Variants in UBE4B observed in about 807,000 individuals in gnomAD.
The protein encoded by UBE4B is ubiquitination factor E4B.
In UBE4B, 27 loss-of-function variants were observed where a neutral mutation model predicts 148.1. The observed-to-expected ratio is 0.18, with a 90% CI of 0.13 to 0.25. The LOEUF is 0.25. Among genes scored for constraint, UBE4B ranks in the 10% least tolerant of loss-of-function variants. The probability of loss-of-function intolerance (pLI) is 1.00; values close to 1 mark genes in which losing one functional copy is unlikely to be tolerated. For synonymous variants in UBE4B, 596 were observed against 619.3 expected (o/e 0.96, Z 0.56); for missense variants, 1,170 against 1,662.4 (o/e 0.70, Z 5.15).
rs1051300277 is a variant in UBE4B at position 10,168,797 on chromosome 1, C to T, written c.3333+527C>T. Among the ~76,000 whole-genome samples, 7 of 150,204 alleles carry T rather than the reference C, an allele frequency of 4.7e-5. No homozygotes were observed. The highest frequency in any genetic ancestry group is 1.5e-5 in the Non-Finnish European group (1 of 67,834). ...GTCCCAGCTACTCAGGAGGCTGAGG[C>T]AGGAGAATGGCGTGAACCCGGGAGG... On this transcript the variant is annotated intron_variant, in intron 24 of 27. Coordinates refer to ENST00000343090, the MANE Select transcript of UBE4B (RefSeq NM_001105562.3). This position sits in a 1 kb window ranked among gnomAD's most constrained non-coding sequence, Gnocchi z 4.9.
intron 1 of UBE4B, among the ~76,000 whole-genome samples, chr1:10,064,154 C>T (rs563864514): frequency 1.3e-5 from 2 of 152,212 alleles, no homozygotes; most frequent in South Asian, 2.1e-4. Context: ...CAATCTCTGC[C>T]GGCGCTCCTT....
At position 10,033,611 on chromosome 1, in the gene UBE4B, C is replaced by T; in HGVS notation, c.-60C>T. 2.7e-6 allele frequency: 4 copies of T among 1,461,116 alleles called. No individual in the cohort carries two copies. The highest frequency in any genetic ancestry group is 2.9e-5 in the African/African-American group (2 of 68,792). 90.5% of individuals were successfully genotyped at this position (1,461,116 alleles called of 1,614,324 possible). On this transcript the variant is annotated 5_prime_UTR_variant, in exon 1 of 28. Coordinates refer to ENST00000343090, the MANE Select transcript of UBE4B (RefSeq NM_001105562.3). ...ACACCTTCCACTCTCCTTCCTCCCGCCGTGGTCTCGAGAACAGAAGGATCT... is the reference window on the plus strand; with the variant it reads ...ACACCTTCCACTCTCCTTCCTCCCGTCGTGGTCTCGAGAACAGAAGGATCT...
intron 4 of UBE4B, 35 bp downstream of exon 4, chr1:10,101,230 A>C: frequency 6.3e-7 from 1 of 1,596,090 alleles, no homozygotes; most frequent in African/African-American, 1.3e-5. Context: ...TACAGGTAAT[A>C]GAAATAAACA....
chr1:10,146,662 G>A (rs1242998554), intron 18 of UBE4B, among the ~76,000 whole-genome samples: 1 of 151,864 alleles, frequency 6.6e-6, no homozygotes, highest in Non-Finnish European at 1.5e-5. Context: ...CACCCAAAGG[G>A]CCTCCCTGTC....
At chr1:10,095,700 C>T (rs1644919412) in intron 3 of UBE4B, 104 bp downstream of exon 3, 8 of 1,319,866 alleles carry the variant, frequency 6.1e-6, no homozygotes, top group Non-Finnish European at 8.4e-6. Flanking sequence ...GCTAGAGACC[C>T]ATGCCAGTCC....
chr1:10,062,669 T>C (rs1002468292), intron 1 of UBE4B, among the ~76,000 whole-genome samples: 1 of 152,192 alleles, frequency 6.6e-6, no homozygotes, highest in African/African-American at 2.4e-5. Context: ...AAAATAATGA[T>C]AGTGAGGCCA....
At chr1:10,109,942 G>A (rs566561879) in intron 7 of UBE4B, among the ~76,000 whole-genome samples, 4 of 152,094 alleles carry the variant, frequency 2.6e-5, no homozygotes, top group East Asian at 1.9e-4. Context: ...CAGGTGGTCC[G>A]CCCACCTCGG....
Position 10,106,484 on chromosome 1 carries a change from G to T in UBE4B, c.1097G>T (p.Ser366Ile). 6.2e-7 allele frequency: 1 copy of T among 1,613,638 alleles called. No homozygotes were observed. The highest frequency in any genetic ancestry group is 8.5e-7 in the Non-Finnish European group (1 of 1,179,970). ...AGTAGCCCCCAAGCAGTGCCCGCCA[G>T]CAGTTCCAGACAGAGGCCCAGCAGC... ...LASSPQAVPA[S>I]SSRQRPSSTG... The change falls in exon 7 of 28, where the codon AGC becomes ATC. Residue 366 changes from serine to isoleucine, a missense_variant. By Grantham distance (142) the Ser-to-Ile change is moderately radical. Coordinates refer to ENST00000343090, the MANE Select transcript of UBE4B (RefSeq NM_001105562.3). This position sits in a 1 kb window ranked among gnomAD's most constrained non-coding sequence, Gnocchi z 4.2.
intron 7 of UBE4B, among the ~76,000 whole-genome samples, chr1:10,113,349 G>T (rs150528649): frequency 1.5e-3 from 226 of 152,244 alleles, no homozygotes; most frequent in African/African-American, 5.2e-3. Context: ...CTCCCACTAG[G>T]CCCGTGCTCC....
chr1:10,092,472 C>G (rs1384160914), intron 2 of UBE4B, among the ~76,000 whole-genome samples: 1 of 151,732 alleles, frequency 6.6e-6, no homozygotes, highest in African/African-American at 2.4e-5. Flanking sequence ...ATCCGCCCGC[C>G]TCAGCTCCCA....
chr1:10,179,736 A>T (rs773412487), intron 27 of UBE4B, among the ~76,000 whole-genome samples, 159 bp from the exon 28 acceptor site: 1 of 152,140 alleles, frequency 6.6e-6, no homozygotes, highest in Admixed American at 6.5e-5. Context: ...CCCTGCAGAC[A>T]TCCAGTCCCT....
intron 1 of UBE4B, among the ~76,000 whole-genome samples, chr1:10,043,032 CAG>C (rs1332818264): frequency 1.3e-5 from 2 of 149,672 alleles, no homozygotes; most frequent in East Asian, 3.9e-4. Context: ...TTTTTTGAGA[CAG>C]AGTTTTACTC....
At chr1:10,179,621 A>G in intron 27 of UBE4B, 59 bp downstream of exon 27, 1 of 1,597,508 alleles carries the variant, frequency 6.3e-7, no homozygotes, top group Non-Finnish European at 8.5e-7. Flanking sequence ...GATAAAGCCC[A>G]AGTCACATAT....
intron 1 of UBE4B, among the ~76,000 whole-genome samples, chr1:10,038,588 G>A (rs927525680): frequency 2.0e-5 from 3 of 152,142 alleles, no homozygotes; most frequent in Non-Finnish European, 2.9e-5. Flanking sequence ...CTCTGGACTC[G>A]AAAGTCCTCT....
intron 1 of UBE4B, among the ~76,000 whole-genome samples, chr1:10,060,831 C>T (rs1408810890): frequency 6.6e-6 from 1 of 151,958 alleles, no homozygotes; most frequent in Non-Finnish European, 1.5e-5. Flanking sequence ...GCAATTGTAG[C>T]TCACTAGGCT....
chr1:10,060,652 C>T (rs1644266618), intron 1 of UBE4B, among the ~76,000 whole-genome samples: 2 of 152,140 alleles, frequency 1.3e-5, no homozygotes, highest in African/African-American at 4.8e-5. Context: ...TGAAGTACTC[C>T]TAAGTGTGGT....
chr1:10,171,466 C>G (rs543026567), intron 25 of UBE4B, 137 bp downstream of exon 25: 26 of 1,122,192 alleles, frequency 2.3e-5, no homozygotes, highest in Non-Finnish European at 3.1e-5. Flanking sequence ...CAGATTTGGG[C>G]TGGGCGCGGT....
At chr1:10,134,885 A>C (rs1348825407) in intron 15 of UBE4B, 103 bp from the exon 16 acceptor site, 7 of 965,408 alleles carry the variant, frequency 7.3e-6, no homozygotes, top group African/African-American at 1.6e-5. Context: ...GTTGCAGCCA[A>C]GATCACACCC....
chr1:10,053,663 C>T (rs886876378), intron 1 of UBE4B, among the ~76,000 whole-genome samples: 17 of 151,996 alleles, frequency 1.1e-4, no homozygotes, highest in Admixed American at 1.1e-3. Flanking sequence ...CTCTCCCTAC[C>T]CGCTGCATGG....
Sources: gnomAD v4.1 joint callset for allele counts (sites outside exome capture counted in the v4.1 genomes callset) on GRCh38, gnomAD v4.1.1 for gene constraint, Gnocchi (gnomAD v3.1) non-coding constraint, MANE v1.5 for transcripts, NCBI Gene and HGNC (gene_info 2026-07-23, HGNC 2026-07-21) for gene names.